The following COL5A3 variants were observed in gnomAD, a reference collection of about 807,000 sequenced individuals.
The protein encoded by COL5A3 is collagen alpha-3(V) chain.
A neutral mutation model predicts 250.0 loss-of-function variants in COL5A3; 172 were observed. That is an observed-to-expected ratio of 0.69 (90% CI 0.61 to 0.78). The LOEUF (loss-of-function observed/expected upper bound fraction) is 0.78, where lower values mean the gene tolerates loss of function less well. Among genes scored for constraint, COL5A3 ranks in the 30% least tolerant of loss-of-function variants. COL5A3 has a pLI of 0.00. For synonymous variants in COL5A3, 937 were observed against 900.4 expected, an observed-to-expected ratio of 1.04 and a Z score of -0.73; for missense variants, 2,340 against 2,334.4, an observed-to-expected ratio of 1.00 and a Z score of -0.05.
chr19:9,986,314 C>T lies in COL5A3; in HGVS notation c.2352+1G>A, dbSNP rs1458943380. The T allele has an allele frequency of 6.4e-7, 1 of 1,550,594 alleles. No individual in the cohort carries two copies. Among genetic ancestry groups the T allele is most frequent in the Non-Finnish European group, 8.7e-7 (1 of 1,153,982 alleles). On this transcript the variant is annotated splice_donor_variant, in intron 30 of 66. Coordinates refer to ENST00000264828, the MANE Select transcript of COL5A3 (RefSeq NM_015719.4). LOFTEE classifies it high-confidence loss of function. ...AGGCTAGAGGGTGGAGAGTCATTTACCTTCTCCCCAGCTGAGCCTGGGGGC... is the reference window on the plus strand; with the variant it reads ...AGGCTAGAGGGTGGAGAGTCATTTATCTTCTCCCCAGCTGAGCCTGGGGGC...
intron 56 of COL5A3, 29 bp from the exon 57 acceptor site, chr19:9,969,431 C>T: frequency 6.2e-7 from 1 of 1,604,650 alleles, no homozygotes; most frequent in South Asian, 1.1e-5. Flanking sequence ...ATGGGGTGGG[C>T]TGCACCCTGT....
intron 31 of COL5A3, among the ~76,000 whole-genome samples, chr19:9,982,788 AG>A (rs2087028449): frequency 1.3e-5 from 2 of 152,234 alleles, no homozygotes; most frequent in East Asian, 3.9e-4. Context: ...CCCGCCTCAA[AG>A]CCCATTTCAG....
intron 42 of COL5A3, 53 bp from the exon 43 acceptor site, chr19:9,977,525 C>G (rs73003476): frequency 0.021 from 31,257 of 1,505,806 alleles, 439 homozygotes; most frequent in Admixed American, 0.042. Flanking sequence ...CCTGCAGGAG[C>G]CATGTCCTGG....
chr19:10,003,319 C>CA (rs1256367653), intron 6 of COL5A3, among the ~76,000 whole-genome samples: 3 of 152,092 alleles, frequency 2.0e-5, no homozygotes, highest in African/African-American at 7.2e-5. Context: ...TTGAGGGGGT[C>CA]AGAGATGGGA....
Position 9,978,666 on chromosome 19 carries a change from AG to A in COL5A3, c.2965-40del, listed in dbSNP as rs759959901. 3 of 1,367,634 alleles carry A rather than the reference AG, an allele frequency of 2.2e-6. No individual in the cohort carries two copies. The Admixed American group carries it at 7.0e-5, about 32-fold the overall frequency. The allele number at this position is 1,367,634 out of a possible 1,614,324, so 84.7% of individuals were successfully genotyped here. On this transcript the variant is annotated intron_variant, in intron 40 of 66. Coordinates refer to ENST00000264828, the MANE Select transcript of COL5A3 (RefSeq NM_015719.4). ...TAATTCACAGTTAAGAGACTCCCAA[AG>A]GTGTCCCCAGGTCCTGTCTTCCTCT...
chr19:9,971,367 A>G, intron 51 of COL5A3, 109 bp from the exon 52 acceptor site: 1 of 794,094 alleles, frequency 1.3e-6, no homozygotes, highest in Non-Finnish European at 2.0e-6. Context: ...GGGACACATT[A>G]GTGAACAAAA....
At position 9,968,233 on chromosome 19, in the gene COL5A3, C is replaced by G; in HGVS notation, c.4314+152G>C. On this transcript the variant is annotated intron_variant, in intron 59 of 66. Coordinates refer to ENST00000264828, the MANE Select transcript of COL5A3 (RefSeq NM_015719.4). This position sits in a 1 kb window ranked among gnomAD's most constrained non-coding sequence, Gnocchi z 4.1. ...AGAGACCCCAAACCCCAGACGCAGC[C>G]TCCAACTTGCCAGTTCCCAGATACA... The G allele has an allele frequency of 4.1e-6, 4 of 975,910 alleles. No homozygotes were observed. The highest frequency in any genetic ancestry group is 6.2e-6 in the Non-Finnish European group (4 of 641,830). 60.5% of individuals were successfully genotyped at this position (975,910 alleles called of 1,614,324 possible).
chr19:9,991,579 G>A (rs75444636), intron 24 of COL5A3, 31 bp downstream of exon 24: 44,558 of 1,554,056 alleles, frequency 0.029, 809 homozygotes, highest in Middle Eastern at 0.08. Flanking sequence ...GAAGACTTGA[G>A]GAGGTCGCGG....
In COL5A3 at chr19:9,996,532, T is replaced by C. The variant is rs948115203; in HGVS notation, c.1339-16A>G. 1 of 1,613,932 alleles carries C rather than the reference T, an allele frequency of 6.2e-7. No individual in the cohort carries two copies. Among genetic ancestry groups the C allele is most frequent in the Non-Finnish European group, 8.5e-7 (1 of 1,179,880 alleles). On this transcript the variant is annotated splice_polypyrimidine_tract_variant and intron_variant, in intron 12 of 66. Transcript: ENST00000264828. Reference sequence around the variant, plus strand: ...CAAACTGGAACTGGGAGGAATTTAGTGGTGAGGGAAGCCCCCAGGAGAGGC... The same window carrying C: ...CAAACTGGAACTGGGAGGAATTTAGCGGTGAGGGAAGCCCCCAGGAGAGGC...
In COL5A3 at chr19:9,982,115, A is replaced by G. The variant is rs749958915; in HGVS notation, c.2410T>C (p.Ser804Pro). ...GYPGRPGPKG[S>P]IGFPGPLGPI... ...CCCAGGGGACCGGGAAATCCAATAG[A>G]TCCCTGAGTGGAGAGAATTAGAAAG... The change falls in exon 32 of 67, where the codon TCT becomes CCT. Residue 804 changes from serine to proline, a missense_variant. Coordinates refer to ENST00000264828, the MANE Select transcript of COL5A3 (RefSeq NM_015719.4). 1.2e-6 allele frequency: 2 copies of G among 1,600,188 alleles called. No homozygotes were observed. Among genetic ancestry groups the G allele is most frequent in the African/African-American group, 2.7e-5 (2 of 74,258 alleles).
At chr19:9,964,579 G>A (rs1478955142) in intron 64 of COL5A3, among the ~76,000 whole-genome samples, 1 of 152,090 alleles carries the variant, frequency 6.6e-6, no homozygotes, top group Non-Finnish European at 1.5e-5. Context: ...GCTCTAGCCT[G>A]GGTGACAGAG....
intron 35 of COL5A3, 37 bp from the exon 36 acceptor site, chr19:9,980,084 T>A (rs1356882119): frequency 6.4e-7 from 1 of 1,561,018 alleles, no homozygotes; most frequent in African/African-American, 1.4e-5. Flanking sequence ...TCATCCCCCC[T>A]GCCTCCCTGC....
At chr19:9,996,044 G>T in intron 15 of COL5A3, 22 bp downstream of exon 15, 1 of 1,544,666 alleles carries the variant, frequency 6.5e-7, no homozygotes, top group Non-Finnish European at 8.7e-7. Flanking sequence ...ATCCTATCCT[G>T]CCCTATCTCC....
At chr19:9,963,937 G>A (rs1255767347) in intron 64 of COL5A3, among the ~76,000 whole-genome samples, 2 of 152,134 alleles carry the variant, frequency 1.3e-5, no homozygotes, top group African/African-American at 4.8e-5. Flanking sequence ...GGGAGGCCGA[G>A]ATGGGTGGAT....
At position 9,972,972 on chromosome 19, in the gene COL5A3, C is replaced by T; in HGVS notation, c.3721G>A (p.Gly1241Arg). The T allele has an allele frequency of 3.1e-6, 5 of 1,612,070 alleles. No individual in the cohort carries two copies. The highest frequency in any genetic ancestry group is 4.2e-6 in the Non-Finnish European group (5 of 1,179,180). Residue 1241 changes from glycine (G) to arginine (R), a missense_variant, in exon 51 of 67, where the codon GGA (glycine) becomes AGA (arginine). Coordinates refer to ENST00000264828, the MANE Select transcript of COL5A3 (RefSeq NM_015719.4). Reference protein sequence around the residue: ...KGDSGPSGAAGPPGKKGPPGE... With the variant: ...KGDSGPSGAARPPGKKGPPGE... ...GGGGGACCTTTCTTGCCTGGGGGTC[C>T]AGCAGCTCCAGATGGGCCTGAGTCC...
intron 37 of COL5A3, among the ~76,000 whole-genome samples, 189 bp downstream of exon 37, chr19:9,979,650 C>A (rs1331765640): frequency 6.6e-6 from 1 of 151,982 alleles, no homozygotes; most frequent in African/African-American, 2.4e-5. Flanking sequence ...ATTAGCCGGG[C>A]GTGGTGGCAC....
At chr19:9,980,360 T>C (rs1162962715) in intron 35 of COL5A3, among the ~76,000 whole-genome samples, 1 of 151,690 alleles carries the variant, frequency 6.6e-6, no homozygotes, top group Non-Finnish European at 1.5e-5. Context: ...CAGGCTGTGC[T>C]CCTTCTTTTT....
intron 27 of COL5A3, 83 bp downstream of exon 27, chr19:9,989,041 A>C: frequency 7.0e-7 from 1 of 1,431,330 alleles, no homozygotes; most frequent in Non-Finnish European, 9.9e-7. Context: ...CTCTCCACAC[A>C]TCCAGAAGTT....
In COL5A3 at chr19:10,003,449, A is replaced by G. The variant is rs1295150780; in HGVS notation, c.849+116T>C. 9 of 1,009,460 alleles carry G rather than the reference A, an allele frequency of 8.9e-6. No individual in the cohort carries two copies. In the South Asian group the frequency reaches 1.4e-4, roughly 15 times the overall value. The allele number at this position is 1,009,460 out of a possible 1,614,324, so 62.5% of individuals were successfully genotyped here. On this transcript the variant is annotated intron_variant, in intron 6 of 66. Coordinates refer to ENST00000264828, the MANE Select transcript of COL5A3 (RefSeq NM_015719.4). ...CAGAGAAAAAGATCATAGATGAGGG[A>G]CCAGAGATTAGTAGAGATGGGAGAC...
Sources: gnomAD v4.1 joint callset for allele counts (sites outside exome capture counted in the v4.1 genomes callset) on GRCh38, gnomAD v4.1.1 for gene constraint, Gnocchi (gnomAD v3.1) non-coding constraint, MANE v1.5 for transcripts, NCBI Gene and HGNC (gene_info 2026-07-23, HGNC 2026-07-21) for gene names.